The following ZMIZ1 variants were observed in gnomAD, a reference collection of about 807,000 sequenced individuals.
ZMIZ1 encodes the protein zinc finger MIZ-type containing 1.
ZMIZ1 carries 17 observed loss-of-function variants against 113.9 expected under a neutral mutation model. That is an observed-to-expected ratio of 0.15 (90% CI 0.10 to 0.22). The LOEUF (loss-of-function observed/expected upper bound fraction) is 0.22. ZMIZ1 is among the 10% of genes least tolerant of loss of function. The pLI, the probability that ZMIZ1 is intolerant of heterozygous loss-of-function variation, is 1.00. For synonymous variants in ZMIZ1, 607 were observed against 603.1 expected, an observed-to-expected ratio of 1.01 and a Z score of -0.09; for missense variants, 1,059 against 1,477.8, an observed-to-expected ratio of 0.72 and a Z score of 4.65.
chr10:79,097,283 G>A (rs1156704111), intron 1 of ZMIZ1, among the ~76,000 whole-genome samples: 2 of 152,202 alleles, frequency 1.3e-5, no homozygotes, highest in East Asian at 1.9e-4. Context: ...GCAGCATGAA[G>A]GGAGGCCTGG....
At chr10:79,311,888 G>A (rs1025111335) in intron 24 of ZMIZ1, among the ~76,000 whole-genome samples, 4 of 152,090 alleles carry the variant, frequency 2.6e-5, no homozygotes, top group African/African-American at 7.2e-5. Context: ...GCCAGACTCC[G>A]GGAGGAGGCT....
intron 14 of ZMIZ1, among the ~76,000 whole-genome samples, 185 bp downstream of exon 14, chr10:79,297,875 G>C (rs981248156): frequency 6.6e-6 from 1 of 152,134 alleles, no homozygotes; most frequent in African/African-American, 2.4e-5. Context: ...CAGGTGGGGT[G>C]AGCCCCAGGG....
intron 7 of ZMIZ1, among the ~76,000 whole-genome samples, chr10:79,270,190 AT>A (rs1260420246): frequency 1.3e-5 from 2 of 152,080 alleles, no homozygotes; most frequent in Non-Finnish European, 2.9e-5. Context: ...ATCTGGTTTC[AT>A]TTTTTCCCCC....
intron 7 of ZMIZ1, among the ~76,000 whole-genome samples, chr10:79,252,050 T>G (rs1850584627): frequency 1.3e-5 from 2 of 152,110 alleles, no homozygotes; most frequent in Non-Finnish European, 2.9e-5. Flanking sequence ...GGCTCTGGCT[T>G]CTTCTGTCCA....
chr10:79,164,671 T>G (rs930337226), intron 4 of ZMIZ1, among the ~76,000 whole-genome samples: 1 of 152,202 alleles, frequency 6.6e-6, no homozygotes, highest in Non-Finnish European at 1.5e-5. Flanking sequence ...AATTCAACTT[T>G]CCAAGAGTCT....
At chr10:79,247,628 C>T (rs529675966) in intron 7 of ZMIZ1, among the ~76,000 whole-genome samples, 7 of 152,326 alleles carry the variant, frequency 4.6e-5, no homozygotes, top group Admixed American at 3.3e-4. Context: ...TCCCACCCCC[C>T]GTAGGGTGAG....
intron 1 of ZMIZ1, among the ~76,000 whole-genome samples, chr10:79,097,567 G>A (rs1843214387): frequency 6.6e-6 from 1 of 152,200 alleles, no homozygotes; most frequent in African/African-American, 2.4e-5. Context: ...CAATTGGACT[G>A]TTTCCCCAGT....
At chr10:79,071,567 TC>T (rs1301973818) in intron 1 of ZMIZ1, among the ~76,000 whole-genome samples, 1 of 152,156 alleles carries the variant, frequency 6.6e-6, no homozygotes, top group Non-Finnish European at 1.5e-5. Context: ...CTTAGCCTTC[TC>T]AGCCCCGGCT....
chr10:79,080,323 T>A (rs1417183992), intron 1 of ZMIZ1, among the ~76,000 whole-genome samples: 1 of 121,234 alleles, frequency 8.2e-6, no homozygotes, highest in Non-Finnish European at 1.7e-5. Context: ...TTTTTTTTTT[T>A]TGAGACTGAG....
chr10:79,309,299 G>T (rs537281120), intron 23 of ZMIZ1, among the ~76,000 whole-genome samples: 2 of 152,324 alleles, frequency 1.3e-5, no homozygotes, highest in African/African-American at 4.8e-5. Context: ...AAGCTGAGGG[G>T]CACAGCTGCC....
intron 1 of ZMIZ1, among the ~76,000 whole-genome samples, chr10:79,101,081 G>T (rs1011576354): frequency 6.6e-6 from 1 of 152,200 alleles, no homozygotes; most frequent in Non-Finnish European, 1.5e-5. Context: ...CCACAGAGGG[G>T]CTGCAGGGTG....
intron 4 of ZMIZ1, among the ~76,000 whole-genome samples, chr10:79,177,317 C>T (rs528102886): frequency 6.6e-6 from 1 of 152,344 alleles, no homozygotes; most frequent in East Asian, 1.9e-4. Flanking sequence ...CTGGCCTCGC[C>T]TCCTGGAGCT....
intron 8 of ZMIZ1, among the ~76,000 whole-genome samples, chr10:79,287,131 C>G (rs1274673393): frequency 6.6e-6 from 1 of 152,200 alleles, no homozygotes; most frequent in Non-Finnish European, 1.5e-5. Context: ...TGTAGAGCCT[C>G]CCTGTGAGAC....
At chr10:79,077,702 G>A (rs1842521516) in intron 1 of ZMIZ1, among the ~76,000 whole-genome samples, 1 of 152,172 alleles carries the variant, frequency 6.6e-6, no homozygotes, top group African/African-American at 2.4e-5. Flanking sequence ...CTGTAACTTT[G>A]GGCAAGTAAT....
chr10:79,218,504 AC>A (rs1432360570), intron 7 of ZMIZ1, among the ~76,000 whole-genome samples: 2 of 150,734 alleles, frequency 1.3e-5, no homozygotes, highest in African/African-American at 4.8e-5. Context: ...AGAAACAACA[AC>A]AAAAAAACCT....
rs193189604 is a variant in ZMIZ1 at position 79,296,918 on chromosome 10, A to G, written c.1413+265A>G. 5.3e-5 allele frequency: 19 copies of G among 358,510 alleles called. No individual in the cohort carries two copies. The highest frequency in any genetic ancestry group is 3.6e-4 in the African/African-American group (17 of 47,682). 22.2% of individuals were successfully genotyped at this position (358,510 alleles called of 1,614,324 possible). ...TATTCACGGCACTCACAAAATAATAAAGGAAATATATTTTATTAAAAAAAC... is the reference window on the plus strand; with the variant it reads ...TATTCACGGCACTCACAAAATAATAGAGGAAATATATTTTATTAAAAAAAC... On this transcript the variant is annotated intron_variant, in intron 13 of 24. Coordinates refer to ENST00000334512, the MANE Select transcript of ZMIZ1 (RefSeq NM_020338.4). The surrounding 1 kb of genome is among the most constrained non-coding windows in gnomAD (Gnocchi z 4.1).
intron 1 of ZMIZ1, among the ~76,000 whole-genome samples, chr10:79,116,373 A>C (rs1844031402): frequency 6.6e-6 from 1 of 152,042 alleles, no homozygotes; most frequent in Non-Finnish European, 1.5e-5. Flanking sequence ...GGCAGAAGAG[A>C]GACTTACACA....
intron 1 of ZMIZ1, among the ~76,000 whole-genome samples, chr10:79,112,217 G>A (rs1346307828): frequency 2.0e-5 from 3 of 152,190 alleles, no homozygotes; most frequent in South Asian, 2.1e-4. Context: ...TTGTAGGGTC[G>A]CTTGCCCATC....
Position 79,302,218 on chromosome 10 carries a change from T to C in ZMIZ1, c.2125+6T>C. On this transcript the variant is annotated splice_donor_region_variant and intron_variant, in intron 18 of 24. Transcript: ENST00000334512. ...AGAGCACTGTATCACGAAAAGTGAG[T>C]CAGGGTGGGGACGGGGGTGAGGGCC... 1 of 1,612,276 alleles carries C rather than the reference T, an allele frequency of 6.2e-7. No homozygotes were observed. The highest frequency in any genetic ancestry group is 8.5e-7 in the Non-Finnish European group (1 of 1,179,782).
Sources: gnomAD v4.1 joint callset for allele counts (sites outside exome capture counted in the v4.1 genomes callset) on GRCh38, gnomAD v4.1.1 for gene constraint, Gnocchi (gnomAD v3.1) non-coding constraint, MANE v1.5 for transcripts, NCBI Gene and HGNC (gene_info 2026-07-23, HGNC 2026-07-21) for gene names.